ST6GAL1: variants seen among roughly 807,000 people sequenced by gnomAD.
ST6GAL1 encodes the protein beta-galactoside alpha-2,6-sialyltransferase 1.
Under a neutral mutation model 38.0 loss-of-function variants are expected in ST6GAL1, and 20 were observed. The observed-to-expected ratio is 0.53, with a 90% CI of 0.37 to 0.77. The LOEUF is 0.77. Among genes scored for constraint, ST6GAL1 ranks in the 30% least tolerant of loss-of-function variants. The pLI, the probability that ST6GAL1 is intolerant of heterozygous loss-of-function variation, is 0.00. For synonymous variants in ST6GAL1, 196 were observed against 188.2 expected (o/e 1.04, Z -0.34); for missense variants, 432 against 496.4 (o/e 0.87, Z 1.23).
At chr3:187,004,660 A>G (rs955630164) in intron 2 of ST6GAL1, among the ~76,000 whole-genome samples, 4 of 152,266 alleles carry the variant, frequency 2.6e-5, no homozygotes, top group Non-Finnish European at 4.4e-5. Flanking sequence ...CCTTTCAGCC[A>G]GTACCAGATG....
intron 1 of ST6GAL1, among the ~76,000 whole-genome samples, chr3:186,943,665 G>T (rs1039449186): frequency 4.6e-5 from 7 of 152,090 alleles, no homozygotes; most frequent in Admixed American, 1.3e-4. Flanking sequence ...GGTCAGGCTG[G>T]TCTCAAACTC....
chr3:186,957,326 C>A (rs1714780899), intron 1 of ST6GAL1, among the ~76,000 whole-genome samples: 1 of 152,090 alleles, frequency 6.6e-6, no homozygotes, highest in South Asian at 2.1e-4. Flanking sequence ...GCCTATAGTT[C>A]CAGCAACTTG....
chr3:187,070,424 CTTTT>C (rs34389560), intron 5 of ST6GAL1, among the ~76,000 whole-genome samples: 2 of 99,122 alleles, frequency 2.0e-5, no homozygotes, highest in African/African-American at 4.5e-5. Context: ...AACACTTGCT[CTTTT>C]TTTTTTTTTT....
At chr3:186,958,634 G>T (rs1438324008) in intron 1 of ST6GAL1, among the ~76,000 whole-genome samples, 4 of 152,068 alleles carry the variant, frequency 2.6e-5, no homozygotes, top group African/African-American at 9.7e-5. Context: ...AAAAATCATT[G>T]GTGTGTGTTG....
chr3:187,032,677 A>T lies in ST6GAL1; in HGVS notation c.-182-6065A>T, dbSNP rs74779293. On this transcript the variant is annotated intron_variant, in intron 2 of 7. Transcript: ENST00000169298. ...TACAAACACTCATGCCACAAGGGAA[A>T]TTCATGCTGTGAAAATGTCAGAGGG... 2.5e-3 allele frequency among the ~76,000 whole-genome samples: 376 copies of T among 152,308 alleles called. 3 individuals are homozygous for T. The highest frequency in any genetic ancestry group is 8.7e-3 in the African/African-American group (360 of 41,562).
chr3:186,936,194 A>G (rs966875667), intron 1 of ST6GAL1, among the ~76,000 whole-genome samples: 7 of 152,206 alleles, frequency 4.6e-5, no homozygotes, highest in African/African-American at 1.7e-4. Flanking sequence ...CTCTTCATGA[A>G]TAAAGGGAAG....
intron 2 of ST6GAL1, among the ~76,000 whole-genome samples, chr3:187,033,438 T>A (rs1481067232): frequency 6.6e-6 from 1 of 152,124 alleles, no homozygotes; most frequent in African/African-American, 2.4e-5. Flanking sequence ...ATAAAGGAAT[T>A]CAAACTGATA....
At chr3:186,953,414 A>G (rs1241125945) in intron 1 of ST6GAL1, among the ~76,000 whole-genome samples, 1 of 152,014 alleles carries the variant, frequency 6.6e-6, no homozygotes, top group Non-Finnish European at 1.5e-5. Flanking sequence ...TCCTTCATGT[A>G]TCCTATTGTT....
chr3:187,009,389 T>C (rs1363841976), intron 2 of ST6GAL1, among the ~76,000 whole-genome samples: 2 of 152,188 alleles, frequency 1.3e-5, no homozygotes, highest in Admixed American at 1.3e-4. Context: ...TGACCCTGAA[T>C]TGATAATTGT....
intron 1 of ST6GAL1, among the ~76,000 whole-genome samples, chr3:186,943,512 C>T (rs150733227): frequency 9.2e-5 from 14 of 152,118 alleles, no homozygotes; most frequent in South Asian, 6.2e-4. Context: ...TGCAGTGGTG[C>T]GATCTCGGCT....
chr3:186,961,780 G>A (rs1030042756), intron 1 of ST6GAL1, among the ~76,000 whole-genome samples: 1 of 152,168 alleles, frequency 6.6e-6, no homozygotes, highest in African/African-American at 2.4e-5. Context: ...AGTTTGGCCT[G>A]GAGTGAAAGG....
At chr3:187,003,314 TAGAG>T (rs1716682541) in intron 2 of ST6GAL1, among the ~76,000 whole-genome samples, 1 of 152,174 alleles carries the variant, frequency 6.6e-6, no homozygotes, top group Non-Finnish European at 1.5e-5. Context: ...GGCCCACCGT[TAGAG>T]AGGGGGCAAT....
intron 2 of ST6GAL1, among the ~76,000 whole-genome samples, chr3:187,004,278 T>C (rs1335357648): frequency 6.6e-6 from 1 of 152,214 alleles, no homozygotes; most frequent in Non-Finnish European, 1.5e-5. Flanking sequence ...ATCTCCTTTC[T>C]CTGTAAATTA....
intron 2 of ST6GAL1, among the ~76,000 whole-genome samples, chr3:187,032,725 G>A (rs1717796060): frequency 6.6e-6 from 1 of 152,296 alleles, no homozygotes; most frequent in African/African-American, 2.4e-5. Context: ...GAAATTTTCT[G>A]ACTCTTCCAA....
At chr3:187,051,915 G>T (rs979123831) in intron 5 of ST6GAL1, among the ~76,000 whole-genome samples, 1 of 152,116 alleles carries the variant, frequency 6.6e-6, no homozygotes, top group Admixed American at 6.5e-5. Flanking sequence ...ACAGGGTTCT[G>T]TTAGTATATT....
At chr3:187,060,426 G>C (rs940663191) in intron 5 of ST6GAL1, among the ~76,000 whole-genome samples, 2 of 152,190 alleles carry the variant, frequency 1.3e-5, no homozygotes, top group Non-Finnish European at 2.9e-5. Flanking sequence ...CTCCCAAAGT[G>C]CTGGGATTAC....
chr3:186,934,797 C>T (rs867251820), intron 1 of ST6GAL1, among the ~76,000 whole-genome samples: 20 of 151,380 alleles, frequency 1.3e-4, no homozygotes, highest in African/African-American at 2.9e-4. Context: ...GATGGCGTCT[C>T]GCTCTGTCAC....
intron 5 of ST6GAL1, among the ~76,000 whole-genome samples, chr3:187,060,220 G>A (rs1282788109): frequency 2.6e-5 from 4 of 152,182 alleles, no homozygotes; most frequent in Non-Finnish European, 5.9e-5. Flanking sequence ...GAGTGCAGTG[G>A]CGCGATCTCA....
intron 2 of ST6GAL1, among the ~76,000 whole-genome samples, chr3:187,015,159 C>T (rs189934264): frequency 2.0e-5 from 3 of 152,326 alleles, no homozygotes; most frequent in African/African-American, 7.2e-5. Flanking sequence ...GCATCCCCTG[C>T]ACACTGGGTT....
Sources: gnomAD v4.1 joint callset for allele counts (sites outside exome capture counted in the v4.1 genomes callset) on GRCh38, gnomAD v4.1.1 for gene constraint, MANE v1.5 for transcripts, NCBI Gene and HGNC (gene_info 2026-07-23, HGNC 2026-07-21) for gene names.